CNTNAP5: variants seen among roughly 807,000 people sequenced by gnomAD.
CNTNAP5 encodes the protein contactin associated protein family member 5.
In CNTNAP5, 72 loss-of-function variants were observed where a neutral mutation model predicts 150.2. That is an observed-to-expected ratio of 0.48 (90% CI 0.40 to 0.58). The LOEUF (loss-of-function observed/expected upper bound fraction) is 0.58, where lower values mean the gene tolerates loss of function less well. Ranked by LOEUF, CNTNAP5 falls within the 20% of genes least tolerant of loss-of-function variation. The pLI is 0.00. For synonymous variants in CNTNAP5, 672 were observed against 619.8 expected (o/e 1.08, Z -1.25); for missense variants, 1,636 against 1,626.2 (o/e 1.01, Z -0.10).
chr2:124,073,730 C>T (rs566012199), intron 1 of CNTNAP5, among the ~76,000 whole-genome samples: 174 of 152,034 alleles, frequency 1.1e-3, no homozygotes, highest in African/African-American at 3.5e-3. Flanking sequence ...CGCTTATATA[C>T]GATTCATGGA....
intron 19 of CNTNAP5, among the ~76,000 whole-genome samples, chr2:124,834,053 A>G (rs1682773850): frequency 6.6e-6 from 1 of 152,218 alleles, no homozygotes; most frequent in African/African-American, 2.4e-5. Flanking sequence ...GAAGAAATGT[A>G]AGCAATCTAC....
At chr2:124,219,430 C>T (rs545610317) in intron 1 of CNTNAP5, among the ~76,000 whole-genome samples, 1 of 152,232 alleles carries the variant, frequency 6.6e-6, no homozygotes. Context: ...AGAGCTACAA[C>T]TTTCCAGTGG....
intron 19 of CNTNAP5, among the ~76,000 whole-genome samples, chr2:124,844,745 T>G (rs1193011867): frequency 6.6e-6 from 1 of 152,014 alleles, no homozygotes; most frequent in Non-Finnish European, 1.5e-5. Context: ...TGAAATGGGT[T>G]GAGATTTTGA....
At chr2:124,479,217 C>T (rs778178829) in intron 7 of CNTNAP5, among the ~76,000 whole-genome samples, 6 of 152,020 alleles carry the variant, frequency 3.9e-5, no homozygotes, top group Non-Finnish European at 8.8e-5. Flanking sequence ...GTGTACAGTA[C>T]CTGTAATATG....
At chr2:124,840,164 G>T (rs1245017807) in intron 19 of CNTNAP5, among the ~76,000 whole-genome samples, 1 of 152,100 alleles carries the variant, frequency 6.6e-6, no homozygotes, top group African/African-American at 2.4e-5. Flanking sequence ...ATGACTGACA[G>T]GTTGAGATAA....
At chr2:124,610,634 A>G (rs909808207) in intron 12 of CNTNAP5, among the ~76,000 whole-genome samples, 1 of 152,208 alleles carries the variant, frequency 6.6e-6, no homozygotes, top group African/African-American at 2.4e-5. Flanking sequence ...ACATTTCCAC[A>G]AAACCAAATC....
chr2:124,765,972 G>T (rs1681060351), intron 16 of CNTNAP5, among the ~76,000 whole-genome samples: 1 of 150,650 alleles, frequency 6.6e-6, no homozygotes, highest in Non-Finnish European at 1.5e-5. Flanking sequence ...AAAAAAATAG[G>T]TTAAAAAAAA....
intron 1 of CNTNAP5, among the ~76,000 whole-genome samples, chr2:124,115,843 C>T (rs1183275783): frequency 1.4e-5 from 2 of 138,912 alleles, no homozygotes; most frequent in Non-Finnish European, 1.6e-5. Flanking sequence ...TGAGGTTTCA[C>T]ATTTGTGCAG....
chr2:124,281,081 T>C (rs754783478), intron 3 of CNTNAP5, among the ~76,000 whole-genome samples: 6 of 152,162 alleles, frequency 3.9e-5, no homozygotes, highest in Non-Finnish European at 8.8e-5. Flanking sequence ...AATGTATTTA[T>C]TGAACTCCTG....
intron 7 of CNTNAP5, among the ~76,000 whole-genome samples, chr2:124,482,378 A>G (rs1024610794): frequency 3.3e-5 from 5 of 152,138 alleles, no homozygotes; most frequent in African/African-American, 1.2e-4. Context: ...AAAGTCAATG[A>G]TATATATTAG....
chr2:124,438,492 G>T (rs1371591225), intron 5 of CNTNAP5, among the ~76,000 whole-genome samples: 1 of 152,122 alleles, frequency 6.6e-6, no homozygotes. Context: ...GGATGTTTAT[G>T]CAATCCCCAA....
intron 1 of CNTNAP5, among the ~76,000 whole-genome samples, chr2:124,136,222 G>C (rs780248398): frequency 6.6e-6 from 1 of 152,142 alleles, no homozygotes; most frequent in African/African-American, 2.4e-5. Context: ...AAGTGAATCA[G>C]AGAAAGCTTG....
intron 11 of CNTNAP5, among the ~76,000 whole-genome samples, chr2:124,576,158 A>T (rs1328857779): frequency 6.6e-6 from 1 of 152,106 alleles, no homozygotes; most frequent in Admixed American, 6.6e-5. Flanking sequence ...ATCTATATCT[A>T]TATCTATATC....
intron 12 of CNTNAP5, among the ~76,000 whole-genome samples, chr2:124,642,396 C>T (rs1475865974): frequency 5.9e-5 from 9 of 152,062 alleles, no homozygotes; most frequent in Non-Finnish European, 1.3e-4. Context: ...TCAGAAATGC[C>T]GAAACTAAGA....
intron 4 of CNTNAP5, among the ~76,000 whole-genome samples, chr2:124,420,754 C>T (rs1027002562): frequency 3.3e-5 from 5 of 152,122 alleles, no homozygotes; most frequent in African/African-American, 1.2e-4. Flanking sequence ...TGAGAGTTTC[C>T]AGCTTCCCCT....
intron 7 of CNTNAP5, among the ~76,000 whole-genome samples, chr2:124,498,321 G>T (rs936088156): frequency 6.6e-6 from 1 of 152,004 alleles, no homozygotes; most frequent in African/African-American, 2.4e-5. Flanking sequence ...AACCATTGTA[G>T]TTCCTCATAC....
chr2:124,686,490 A>G (rs1679196271), intron 13 of CNTNAP5, among the ~76,000 whole-genome samples: 1 of 152,106 alleles, frequency 6.6e-6, no homozygotes, highest in Non-Finnish European at 1.5e-5. Flanking sequence ...CCTATAGAAG[A>G]AAAGGACCTG....
intron 6 of CNTNAP5, among the ~76,000 whole-genome samples, chr2:124,451,043 A>AT (rs1452242767): frequency 1.6e-4 from 12 of 74,842 alleles, no homozygotes; most frequent in South Asian, 5.0e-4. Flanking sequence ...AAAAAAAAAA[A>AT]AAAAAAAAAT....
intron 19 of CNTNAP5, among the ~76,000 whole-genome samples, chr2:124,832,654 A>T (rs923332166): frequency 6.6e-6 from 1 of 152,042 alleles, no homozygotes; most frequent in African/African-American, 2.4e-5. Flanking sequence ...GAGTTAAAGG[A>T]TAATACTTCA....
Sources: allele counts gnomAD v4.1 joint callset (sites outside exome capture counted in the v4.1 genomes callset), GRCh38; gene constraint gnomAD v4.1.1; transcripts MANE v1.5; gene names NCBI Gene and HGNC (gene_info 2026-07-23, HGNC 2026-07-21).